Variants in RNF144A observed in about 807,000 individuals in gnomAD.
The protein encoded by RNF144A is ring finger protein 144A.
RNF144A carries 11 observed loss-of-function variants against 38.7 expected under a neutral mutation model. That is an observed-to-expected ratio of 0.28 (90% confidence interval 0.18 to 0.47). The LOEUF is 0.47. Among genes scored for constraint, RNF144A ranks in the 20% least tolerant of loss-of-function variants. RNF144A has a pLI of 0.99. For synonymous variants in RNF144A, 149 were observed against 143.9 expected (o/e 1.04, Z -0.25); for missense variants, 316 against 377.2 (o/e 0.84, Z 1.34).
At chr2:6,974,773 G>A (rs1668203475) in intron 2 of RNF144A, among the ~76,000 whole-genome samples, 1 of 152,156 alleles carries the variant, frequency 6.6e-6, no homozygotes, top group African/African-American at 2.4e-5. Context: ...AAATTAAGAA[G>A]AGACATGTAG....
rs183562812 is a variant in RNF144A, at chr2:6,930,669, A to G, written c.-211-10279A>G. ...TGCAGTGGTGCAATCTCAGCTCACT[A>G]CAGCTTTGATCTCTGGGGCTCAAGC... On this transcript the variant is annotated intron_variant, in intron 1 of 8. Coordinates refer to ENST00000320892, the MANE Select transcript of RNF144A (RefSeq NM_014746.6). Among the ~76,000 whole-genome samples the G allele has an allele frequency of 8.3e-4, 126 of 152,106 alleles. 1 individual carries two copies. The highest frequency in any genetic ancestry group is 2.9e-3 in the African/African-American group (121 of 41,474).
chr2:6,950,492 T>A (rs767367887), intron 2 of RNF144A, among the ~76,000 whole-genome samples: 9 of 152,248 alleles, frequency 5.9e-5, no homozygotes, highest in Non-Finnish European at 7.3e-5. Flanking sequence ...CTGCTGTTAG[T>A]ATTCTTGGTT....
At chr2:7,075,232 C>G in the RNF144A span, among the ~76,000 whole-genome samples, 1 of 152,044 alleles carries the variant, frequency 6.6e-6, no homozygotes, top group Non-Finnish European at 1.5e-5. Context: ...TTATTTCTAT[C>G]TCATGATTAA....
chr2:6,982,829 G>A (rs963584867), intron 2 of RNF144A, among the ~76,000 whole-genome samples: 4 of 152,124 alleles, frequency 2.6e-5, no homozygotes, highest in African/African-American at 7.2e-5. Context: ...GGATTCTTCG[G>A]GTTTCTGTGC....
intron 2 of RNF144A, among the ~76,000 whole-genome samples, chr2:6,977,164 A>C (rs1481037833): frequency 6.6e-6 from 1 of 152,238 alleles, no homozygotes; most frequent in Non-Finnish European, 1.5e-5. Flanking sequence ...AAGTTATTAC[A>C]ATTTTTTAAA....
At chr2:7,068,645 G>A (rs1039190695), downstream of RNF144A, among the ~76,000 whole-genome samples, 2 of 152,204 alleles carry the variant, frequency 1.3e-5, no homozygotes, top group East Asian at 3.9e-4. Context: ...CCCAAGGGCT[G>A]GGGGTTTTGC....
At chr2:6,945,378 C>T (rs1666266958) in intron 2 of RNF144A, among the ~76,000 whole-genome samples, 1 of 152,164 alleles carries the variant, frequency 6.6e-6, no homozygotes, top group Admixed American at 6.5e-5. Flanking sequence ...AGCTCAGTTA[C>T]AGTTTTCTGG....
At chr2:6,985,268 C>CT (rs1558405817) in intron 2 of RNF144A, among the ~76,000 whole-genome samples, 3 of 128,614 alleles carry the variant, frequency 2.3e-5, no homozygotes, top group Non-Finnish European at 3.2e-5. Context: ...TCCCTCCCCC[C>CT]TCTTTTTTTT....
chr2:7,033,311 T>G (rs945644477), intron 8 of RNF144A, among the ~76,000 whole-genome samples: 9 of 152,216 alleles, frequency 5.9e-5, no homozygotes, highest in African/African-American at 2.2e-4. Context: ...CCGTGCCCCA[T>G]GCTTCTGGTG....
intron 7 of RNF144A, among the ~76,000 whole-genome samples, chr2:7,027,031 C>T (rs1671949214): frequency 6.6e-6 from 1 of 152,216 alleles, no homozygotes; most frequent in African/African-American, 2.4e-5. Context: ...ACGACAAGCA[C>T]ATAAATGCAC....
Position 6,944,278 on chromosome 2 carries a change from G to A in RNF144A, c.-12+3131G>A, listed in dbSNP as rs79918528. Among the ~76,000 whole-genome samples the A allele has an allele frequency of 4.1e-3, 620 of 152,276 alleles. 3 individuals are homozygous for A. Among genetic ancestry groups the A allele is most frequent in the African/African-American group, 0.014 (591 of 41,542 alleles). On this transcript the variant is annotated intron_variant, in intron 2 of 8. Coordinates refer to ENST00000320892, the MANE Select transcript of RNF144A (RefSeq NM_014746.6). The surrounding 1 kb of genome is among the most constrained non-coding windows in gnomAD (Gnocchi z 4.7). Reference sequence around the variant, plus strand: ...TGAGGTGGTGTGAGGAACCCGGAATGTGGGGTGTCTGCGGGTGCTGCAAGT... The same window carrying A: ...TGAGGTGGTGTGAGGAACCCGGAATATGGGGTGTCTGCGGGTGCTGCAAGT...
chr2:7,051,181 A>C (rs1018420040), intron 6 of RNF144A, among the ~76,000 whole-genome samples: 1 of 152,180 alleles, frequency 6.6e-6, no homozygotes, highest in African/African-American at 2.4e-5. Context: ...TCGGGGATGG[A>C]GAGAGCAGGG....
rs1252340609 is a variant in RNF144A at position 6,962,750 on chromosome 2, A to G, written c.-12+21603A>G. Among the ~76,000 whole-genome samples, 1 of 152,208 alleles carries G rather than the reference A, an allele frequency of 6.6e-6. No homozygotes were observed. The highest frequency in any genetic ancestry group is 6.5e-5 in the Admixed American group (1 of 15,286). ...CTTGTCTTATTTTATTCATCACAGC[A>G]TAAACTTCCAGAGGCAGGGCAATAC... is the stretch of plus-strand genomic sequence containing the variant. On this transcript the variant is annotated intron_variant, in intron 2 of 8. Transcript: ENST00000320892. This position sits in a 1 kb window ranked among gnomAD's most constrained non-coding sequence, Gnocchi z 4.1.
chr2:7,041,888 G>A lies in RNF144A; in HGVS notation c.*2128G>A, dbSNP rs1048029097. 87 of 985,304 alleles carry A rather than the reference G, an allele frequency of 8.8e-5. No homozygotes were observed. Among genetic ancestry groups the A allele is most frequent in the Non-Finnish European group, 1.0e-4 (87 of 829,978 alleles). The allele number at this position is 985,304 out of a possible 1,614,324, so 61.0% of individuals were successfully genotyped here. ...GAGCTCAGATGACCTTATTTCTAGA[G>A]GGACAGGCTGTTCTGTTGGAAGAGT... is the stretch of plus-strand genomic sequence containing the variant. On this transcript the variant is annotated 3_prime_UTR_variant, in exon 9 of 9. Coordinates refer to ENST00000320892, the MANE Select transcript of RNF144A (RefSeq NM_014746.6).
At chr2:7,055,780 T>C (rs928080016) in intron 6 of RNF144A, among the ~76,000 whole-genome samples, 4 of 152,228 alleles carry the variant, frequency 2.6e-5, no homozygotes, top group Non-Finnish European at 5.9e-5. Context: ...CCAGGTTTTT[T>C]CTTACCAGTG....
At chr2:7,037,174 C>G (rs1010713239) in intron 8 of RNF144A, among the ~76,000 whole-genome samples, 2 of 152,170 alleles carry the variant, frequency 1.3e-5, no homozygotes, top group African/African-American at 2.4e-5. Context: ...TGCTTCCTGT[C>G]TCATTTTTTA....
At chr2:6,951,017 G>A (rs2103313416) in intron 2 of RNF144A, among the ~76,000 whole-genome samples, 1 of 152,140 alleles carries the variant, frequency 6.6e-6, no homozygotes, top group South Asian at 2.1e-4. Context: ...ATTTTAACAT[G>A]CTGACTATAT....
At position 7,001,515 on chromosome 2, in the gene RNF144A, A is replaced by G. The variant is rs184922831; in HGVS notation, c.135+4454A>G. ...AACATAGTGAGACCTTGTCTCTACA[A>G]AAAATAAAAAAATTAGCTGGGCGTG... On this transcript the variant is annotated intron_variant, in intron 3 of 8. Coordinates refer to ENST00000320892, the MANE Select transcript of RNF144A (RefSeq NM_014746.6). Among the ~76,000 whole-genome samples, 953 of 152,040 alleles carry G rather than the reference A, an allele frequency of 6.3e-3. 12 individuals are homozygous for G. The highest frequency in any genetic ancestry group is 5.5e-3 in the Non-Finnish European group (371 of 67,982).
At chr2:6,965,623 C>T (rs901052646) in intron 2 of RNF144A, among the ~76,000 whole-genome samples, 5 of 152,060 alleles carry the variant, frequency 3.3e-5, no homozygotes, top group African/African-American at 7.2e-5. Flanking sequence ...CGTGTGGTGG[C>T]GCAGAGCTTC....
Sources: gnomAD v4.1 joint callset for allele counts (sites outside exome capture counted in the v4.1 genomes callset) on GRCh38, gnomAD v4.1.1 for gene constraint, Gnocchi (gnomAD v3.1) non-coding constraint, MANE v1.5 for transcripts, NCBI Gene and HGNC (gene_info 2026-07-23, HGNC 2026-07-21) for gene names.